HOXD13: variants seen among roughly 807,000 people sequenced by gnomAD.
HOXD13 encodes homeobox protein Hox-D13.
Under a neutral mutation model 27.3 loss-of-function variants are expected in HOXD13, and 16 were observed. The observed-to-expected ratio is 0.59, with a 90% CI of 0.40 to 0.89. HOXD13 has a LOEUF of 0.89. Ranked by LOEUF, HOXD13 falls within the 40% of genes least tolerant of loss-of-function variation. HOXD13 has a pLI of 0.00. For synonymous variants in HOXD13, 241 were observed against 219.0 expected (o/e 1.10, Z -0.89); for missense variants, 481 against 482.6 (o/e 1.00, Z 0.03).
At chr2:176,090,247 T>C (rs1689299711), upstream of HOXD13, among the ~76,000 whole-genome samples, 1 of 152,344 alleles carries the variant, frequency 6.6e-6, no homozygotes. Context: ...TGGAAGCAGG[T>C]TCAGCAGCAG....
rs2105379741 is a variant in HOXD13, at chr2:176,094,468, T to G, written c.782-12T>G. On this transcript the variant is annotated splice_polypyrimidine_tract_variant and intron_variant, in intron 1 of 1. Transcript: ENST00000392539. ...CCCAGCCTAATTTTTCTTGTGCTTT[T>G]GTTTGTATCAGGGGATGTGGCTCTA... 1 of 1,614,074 alleles carries G rather than the reference T, an allele frequency of 6.2e-7. No homozygotes were observed. The highest frequency in any genetic ancestry group is 1.3e-5 in the African/African-American group (1 of 75,018).
At chr2:176,091,782 G>A (rs3754983), upstream of HOXD13, among the ~76,000 whole-genome samples, 24,631 of 152,064 alleles carry the variant, frequency 0.16, 2,399 homozygotes, top group African/African-American at 0.26. Flanking sequence ...AGAAACGGGC[G>A]GGAGTGGGTG....
At position 176,093,150 on chromosome 2, in the gene HOXD13, C is replaced by G. The variant is rs139995491; in HGVS notation, c.260C>G (p.Ser87Trp). The G allele has an allele frequency of 2.2e-4, 359 of 1,606,612 alleles. No individual in the cohort carries two copies. Among genetic ancestry groups the G allele is most frequent in the Non-Finnish European group, 2.7e-4 (322 of 1,179,418 alleles). The change falls in exon 1 of 2, where the codon TCG becomes TGG. Residue 87 changes from serine to tryptophan, a missense_variant. Physicochemically the swap from Ser to Trp is radical, Grantham distance 177 (BLOSUM62 -3). Coordinates refer to ENST00000392539, the MANE Select transcript of HOXD13 (RefSeq NM_000523.4). ...ACCTCTGAGCGCACGGGCTCTTCCT[C>G]GTCGTCGTCCTCTTCTGCCGTTGTA... ...PGTSERTGSS[S>W]SSSSSAVVAA...
In HOXD13 at chr2:176,093,092, G is replaced by C. The variant is rs760168666; in HGVS notation, c.202G>C (p.Ala68Pro). The change falls in exon 1 of 2, where the codon GCG becomes CCG. Residue 68 changes from alanine to proline, a missense_variant. Coordinates refer to ENST00000392539, the MANE Select transcript of HOXD13 (RefSeq NM_000523.4). ...AAAAAAAAAA[A>P]AAASGFAYPG... ...GGCGGCAGCGGCGGCTGCGGCGGCG[G>C]CGGCGGCAGCCTCCGGCTTTGCGTA... 6 of 1,426,848 alleles carry C rather than the reference G, an allele frequency of 4.2e-6. No homozygotes were observed. Among genetic ancestry groups the C allele is most frequent in the Admixed American group, 6.9e-5 (2 of 28,962 alleles). 88.4% of individuals were successfully genotyped at this position (1,426,848 alleles called of 1,614,324 possible).
At position 176,092,982 on chromosome 2, in the gene HOXD13, TGGCGGC is replaced by T; in HGVS notation, c.103_108del (p.Ala35_Ala36del). The T allele has an allele frequency of 2.2e-6, 3 of 1,349,822 alleles. No individual in the cohort carries two copies. Among genetic ancestry groups the T allele is most frequent in the South Asian group, 1.8e-5 (1 of 54,710 alleles). The allele number at this position is 1,349,822 out of a possible 1,614,324, so 83.6% of individuals were successfully genotyped here. ...CCGGCCTCTTCCTCCTCCTCATCGG[TGGCGGC>T]GGCGGCGGCGTCAGGCCAGTGCCGC... is the stretch of plus-strand genomic sequence containing the variant. On this transcript the variant is annotated inframe_deletion, in exon 1 of 2. Coordinates refer to ENST00000392539, the MANE Select transcript of HOXD13 (RefSeq NM_000523.4).
At chr2:176,092,399 C>A (rs1237479814), upstream of HOXD13, among the ~76,000 whole-genome samples, 1 of 151,398 alleles carries the variant, frequency 6.6e-6, no homozygotes, top group Non-Finnish European at 1.5e-5. Context: ...CCGCCTCAGT[C>A]GCAGACAGGG....
chr2:176,087,687 A>C, the HOXD13 span, among the ~76,000 whole-genome samples: 13 of 152,282 alleles, frequency 8.5e-5, no homozygotes, highest in East Asian at 2.5e-3. Flanking sequence ...CCTCTTACCC[A>C]CTACCAAGGT....
upstream of HOXD13, among the ~76,000 whole-genome samples, chr2:176,090,679 A>C (rs1035122896): frequency 3.3e-5 from 5 of 152,216 alleles, no homozygotes; most frequent in Non-Finnish European, 5.9e-5. Flanking sequence ...TATTTCAACG[A>C]ATTTGTTTTT....
At chr2:176,088,396 C>T (rs1354336409), upstream of HOXD13, among the ~76,000 whole-genome samples, 1 of 152,224 alleles carries the variant, frequency 6.6e-6, no homozygotes, top group Non-Finnish European at 1.5e-5. Context: ...GGGATACTTT[C>T]TTCCTGGGCT....
chr2:176,093,712 G>A (rs1408160349), intron 1 of HOXD13, 41 bp downstream of exon 1: 5 of 1,325,174 alleles, frequency 3.8e-6, no homozygotes, highest in Non-Finnish European at 5.3e-6. Context: ...GAGGGAGGGG[G>A]AGAGAGAAGG....
chr2:176,088,880 G>A (rs1489018937), upstream of HOXD13, among the ~76,000 whole-genome samples: 1 of 152,272 alleles, frequency 6.6e-6, no homozygotes, highest in East Asian at 1.9e-4. Context: ...ACCCTCCTGC[G>A]TCCCTTTCAC....
In HOXD13 at chr2:176,092,796, G is replaced by A; in HGVS notation, c.-95G>A. On this transcript the variant is annotated 5_prime_UTR_variant, in exon 1 of 2. Transcript: ENST00000392539. ...CTAGAGGAAGAGGGCGGGAGCGAGC[G>A]AACCAGAGAGAAAGGAGAGGAGGGA... is the stretch of plus-strand genomic sequence containing the variant. The A allele has an allele frequency of 1.2e-6, 1 of 832,668 alleles. No homozygotes were observed. The highest frequency in any genetic ancestry group is 1.6e-6 in the Non-Finnish European group (1 of 631,602). 51.6% of individuals were successfully genotyped at this position (832,668 alleles called of 1,614,324 possible). A position where few individuals can be genotyped will look rare whatever the true frequency, so the allele number is the denominator to read the frequency against.
upstream of HOXD13, among the ~76,000 whole-genome samples, chr2:176,092,016 G>A (rs958991398): frequency 3.3e-5 from 5 of 152,132 alleles, no homozygotes; most frequent in African/African-American, 1.2e-4. Flanking sequence ...TTCTGGGACA[G>A]ATTGTCAGGC....
chr2:176,092,919 A>G lies in HOXD13; in HGVS notation c.29A>G (p.Asp10Gly). The change falls in exon 1 of 2, where the codon GAC (aspartate) becomes GGC (glycine). Residue 10 changes from aspartate (D) to glycine (G), a missense_variant. Coordinates refer to ENST00000392539, the MANE Select transcript of HOXD13 (RefSeq NM_000523.4). ...AGCCGCGCCGGGAGCTGGGACATGG[A>G]CGGGCTGCGGGCAGACGGCGGGGGC... MSRAGSWDM[D>G]GLRADGGGAG... 7.6e-7 allele frequency: 1 copy of G among 1,320,354 alleles called. No homozygotes were observed. The highest frequency in any genetic ancestry group is 2.0e-5 in the South Asian group (1 of 48,912). The allele number at this position is 1,320,354 out of a possible 1,614,324, so 81.8% of individuals were successfully genotyped here. A position where few individuals can be genotyped will look rare whatever the true frequency, so the allele number is the denominator to read the frequency against.
chr2:176,093,290 G>T lies in HOXD13; in HGVS notation c.400G>T (p.Gly134Cys). ...ALGYGYHFGN[G>C]YYSCRMSHGV... is the part of the protein sequence containing the mutation. ...GGGCTACGGCTACCACTTCGGCAAC[G>T]GCTACTACAGCTGCCGTATGTCGCA... Residue 134 changes from glycine (G) to cysteine (C), a missense_variant, in exon 1 of 2, where the codon GGC becomes TGC. Gly to Cys is a radical substitution (Grantham distance 159). Transcript: ENST00000392539. 1.2e-6 allele frequency: 2 copies of T among 1,610,974 alleles called. No homozygotes were observed. The highest frequency in any genetic ancestry group is 1.7e-6 in the Non-Finnish European group (2 of 1,179,510).
upstream of HOXD13, among the ~76,000 whole-genome samples, chr2:176,089,810 A>T (rs573511396): frequency 1.7e-4 from 26 of 152,296 alleles, no homozygotes; most frequent in African/African-American, 4.6e-4. Context: ...AACAGCGGCA[A>T]AACTGGTTTC....
rs748398268 is a variant in HOXD13 at position 176,093,082 on chromosome 2, TGCGGCGGCG to T, written c.201_209del (p.Ala69_Ala71del). 26 of 1,395,902 alleles carry T rather than the reference TGCGGCGGCG, an allele frequency of 1.9e-5. No homozygotes were observed. Among genetic ancestry groups the T allele is most frequent in the East Asian group, 8.7e-5 (3 of 34,432 alleles). 86.5% of individuals were successfully genotyped at this position (1,395,902 alleles called of 1,614,324 possible). On this transcript the variant is annotated inframe_deletion, in exon 1 of 2. Coordinates refer to ENST00000392539, the MANE Select transcript of HOXD13 (RefSeq NM_000523.4). ...GGGCGGCGGCGGCGGCAGCGGCGGCTGCGGCGGCGGCGGCGGCAGCCTCCGGCTTTGCGT... is the reference window on the plus strand; with the variant it reads ...GGGCGGCGGCGGCGGCAGCGGCGGCTGCGGCGGCAGCCTCCGGCTTTGCGT...
At position 176,093,305 on chromosome 2, in the gene HOXD13, C is replaced by A. The variant is rs1467183582; in HGVS notation, c.415C>A (p.Arg139Ser). ...CTTCGGCAACGGCTACTACAGCTGC[C>A]GTATGTCGCACGGCGTGGGCTTACA... is the stretch of plus-strand genomic sequence containing the variant. ...YHFGNGYYSCRMSHGVGLQQN... is the reference protein window; with the variant it reads ...YHFGNGYYSCSMSHGVGLQQN... Residue 139 changes from arginine (R) to serine (S), a missense_variant, in exon 1 of 2, where the codon CGT (arginine) becomes AGT (serine). Transcript: ENST00000392539. 1.7e-5 allele frequency: 28 copies of A among 1,612,462 alleles called. No homozygotes were observed. Among genetic ancestry groups the A allele is most frequent in the African/African-American group, 2.7e-5 (2 of 74,944 alleles).
At position 176,093,411 on chromosome 2, in the gene HOXD13, C is replaced by A. The variant is rs771939727; in HGVS notation, c.521C>A (p.Ala174Glu). 1.2e-6 allele frequency: 2 copies of A among 1,613,930 alleles called. No individual in the cohort carries two copies. The highest frequency in any genetic ancestry group is 1.3e-5 in the African/African-American group (1 of 75,056). ...VEKYMDVSGL[A>E]SSSVPANEVP... The stretch of plus-strand genomic sequence containing the variant: ...AAGTACATGGACGTGTCAGGCCTGG[C>A]GAGCAGCAGCGTACCGGCCAACGAG... The change falls in exon 1 of 2, where the codon GCG (alanine) becomes GAG (glutamate). Residue 174 changes from alanine (A) to glutamate (E), a missense_variant. Physicochemically the swap from Ala to Glu is moderately radical, Grantham distance 107. Coordinates refer to ENST00000392539, the MANE Select transcript of HOXD13 (RefSeq NM_000523.4).
Sources: gnomAD v4.1 joint callset for allele counts (sites outside exome capture counted in the v4.1 genomes callset) on GRCh38, gnomAD v4.1.1 for gene constraint, MANE v1.5 for transcripts, NCBI Gene and HGNC (gene_info 2026-07-23, HGNC 2026-07-21) for gene names.